The following GPC6 variants were observed in gnomAD, a reference collection of about 807,000 sequenced individuals.
GPC6 encodes the protein glypican-6.
Under a neutral mutation model 55.2 loss-of-function variants are expected in GPC6, and 14 were observed. The observed-to-expected ratio is 0.25, with a 90% confidence interval of 0.17 to 0.40. GPC6 has a LOEUF of 0.40. GPC6 is among the 10% of genes least tolerant of loss of function. The pLI is 1.00. For synonymous variants in GPC6, 278 were observed against 259.6 expected (o/e 1.07, Z -0.68); for missense variants, 641 against 708.5 (o/e 0.90, Z 1.08).
At chr13:93,268,303 G>C (rs952806535) in intron 1 of GPC6, among the ~76,000 whole-genome samples, 75 of 152,164 alleles carry the variant, frequency 4.9e-4, no homozygotes, top group African/African-American at 1.8e-3. Context: ...TATGTTTACA[G>C]GTGTGTTGAT....
chr13:93,656,847 T>A (rs2139606635), intron 2 of GPC6, among the ~76,000 whole-genome samples: 1 of 152,146 alleles, frequency 6.6e-6, no homozygotes, highest in Admixed American at 6.5e-5. Context: ...TGCAATCTGA[T>A]TCACAATAGC....
At chr13:93,768,790 A>G (rs1180010113) in intron 2 of GPC6, among the ~76,000 whole-genome samples, 2 of 152,148 alleles carry the variant, frequency 1.3e-5, no homozygotes, top group Non-Finnish European at 2.9e-5. Flanking sequence ...TAATTAAACT[A>G]ATGTTGAAAA....
chr13:94,107,164 C>G (rs371631457), intron 4 of GPC6, among the ~76,000 whole-genome samples: 1 of 151,922 alleles, frequency 6.6e-6, no homozygotes. Flanking sequence ...AACTGGGGAA[C>G]GGAGGGACTG....
intron 1 of GPC6, among the ~76,000 whole-genome samples, chr13:93,247,888 A>G (rs1368681193): frequency 6.6e-6 from 1 of 152,210 alleles, no homozygotes; most frequent in East Asian, 1.9e-4. Context: ...CAAAATATGT[A>G]TGGAGTAATC....
At chr13:93,469,152 T>A (rs1879019769) in intron 1 of GPC6, among the ~76,000 whole-genome samples, 1 of 152,174 alleles carries the variant, frequency 6.6e-6, no homozygotes, top group South Asian at 2.1e-4. Flanking sequence ...TAGCAATAAA[T>A]AAATGTATTA....
intron 6 of GPC6, among the ~76,000 whole-genome samples, chr13:94,332,415 T>C (rs1877472645): frequency 6.6e-6 from 1 of 152,210 alleles, no homozygotes; most frequent in East Asian, 1.9e-4. Flanking sequence ...ATACTAGCAG[T>C]CTTGGGTCTG....
At chr13:93,220,590 G>A in the GPC6 span, among the ~76,000 whole-genome samples, 1 of 152,196 alleles carries the variant, frequency 6.6e-6, no homozygotes, top group South Asian at 2.1e-4. Context: ...TCAAATAATG[G>A]CATTGTCAAA....
intron 3 of GPC6, among the ~76,000 whole-genome samples, chr13:94,022,010 A>C (rs1882713851): frequency 6.6e-6 from 1 of 152,086 alleles, no homozygotes; most frequent in African/African-American, 2.4e-5. Flanking sequence ...GATGTTTAAG[A>C]TACATGGACA....
chr13:94,044,060 C>A (rs1883636067), intron 4 of GPC6, among the ~76,000 whole-genome samples: 1 of 151,642 alleles, frequency 6.6e-6, no homozygotes. Flanking sequence ...AGTCTCAAAA[C>A]TATACAAAAG....
chr13:93,734,001 C>T (rs1883913591), intron 2 of GPC6, among the ~76,000 whole-genome samples: 1 of 152,030 alleles, frequency 6.6e-6, no homozygotes, highest in South Asian at 2.1e-4. Context: ...CTTTAATGAC[C>T]CCCTAGCCAA....
At position 93,532,420 on chromosome 13, in the gene GPC6, T is replaced by C. The variant is rs1002792473; in HGVS notation, c.161-12843T>C. Among the ~76,000 whole-genome samples the C allele has an allele frequency of 3.9e-5, 6 of 152,298 alleles. No individual in the cohort carries two copies. In the East Asian group the frequency reaches 1.2e-3, roughly 29 times the overall value. ...AGCGCTTTAAAATGTCTAAAAATTT[T>C]ATCGGTATAAATTGAATAAATTGTA... On this transcript the variant is annotated intron_variant, in intron 1 of 8. Coordinates refer to ENST00000377047, the MANE Select transcript of GPC6 (RefSeq NM_005708.5).
At chr13:93,663,431 G>C (rs1812055940) in intron 2 of GPC6, among the ~76,000 whole-genome samples, 1 of 152,126 alleles carries the variant, frequency 6.6e-6, no homozygotes, top group Admixed American at 6.5e-5. Context: ...TGCTGAGACA[G>C]ATTATTAAAG....
At chr13:93,471,057 G>C (rs1209925387) in intron 1 of GPC6, among the ~76,000 whole-genome samples, 1 of 152,014 alleles carries the variant, frequency 6.6e-6, no homozygotes, top group Non-Finnish European at 1.5e-5. Flanking sequence ...TTAAAAATCA[G>C]TTTTTGTTGT....
chr13:94,359,098 C>T (rs189196572), intron 6 of GPC6, among the ~76,000 whole-genome samples: 1 of 152,132 alleles, frequency 6.6e-6, no homozygotes, highest in Non-Finnish European at 1.5e-5. Flanking sequence ...ATAAATAACA[C>T]CCCACTTTCA....
chr13:93,593,977 A>G (rs1444130995), intron 2 of GPC6, among the ~76,000 whole-genome samples: 1 of 152,188 alleles, frequency 6.6e-6, no homozygotes, highest in Non-Finnish European at 1.5e-5. Context: ...TCATATAAAT[A>G]GGGACAGTGG....
intron 2 of GPC6, among the ~76,000 whole-genome samples, chr13:93,703,778 C>T (rs1320322584): frequency 6.6e-6 from 1 of 151,866 alleles, no homozygotes; most frequent in South Asian, 2.1e-4. Context: ...GAAGACTTAT[C>T]CCTAGGTCTG....
intron 1 of GPC6, among the ~76,000 whole-genome samples, chr13:93,491,833 G>A (rs372766469): frequency 2.4e-4 from 28 of 118,526 alleles, no homozygotes; most frequent in African/African-American, 8.7e-4. Context: ...ATAGTTGTAG[G>A]TATGCGGCGT....
chr13:93,472,685 C>T (rs1440242931), intron 1 of GPC6, among the ~76,000 whole-genome samples: 2 of 152,244 alleles, frequency 1.3e-5, no homozygotes, highest in African/African-American at 4.8e-5. Flanking sequence ...AACTCCTTCT[C>T]TTCTTCTCTC....
chr13:93,573,763 A>T (rs924659753), intron 2 of GPC6, among the ~76,000 whole-genome samples: 1 of 152,108 alleles, frequency 6.6e-6, no homozygotes, highest in African/African-American at 2.4e-5. Flanking sequence ...TTCCCCCAAC[A>T]CACCCACATA....
Sources: gnomAD v4.1 joint callset for allele counts (sites outside exome capture counted in the v4.1 genomes callset) on GRCh38, gnomAD v4.1.1 for gene constraint, MANE v1.5 for transcripts, NCBI Gene and HGNC (gene_info 2026-07-23, HGNC 2026-07-21) for gene names.